SACM1L: variants seen among roughly 807,000 people sequenced by gnomAD.
The protein encoded by SACM1L is phosphatidylinositol-3-phosphatase SAC1.
SACM1L carries 32 observed loss-of-function variants against 89.5 expected under a neutral mutation model. That is an observed-to-expected ratio of 0.36 (90% CI 0.27 to 0.48). SACM1L has a LOEUF of 0.48. SACM1L is among the 20% of genes least tolerant of loss of function. SACM1L has a pLI of 0.99. For missense variants in SACM1L, 543 were observed against 708.5 expected (o/e 0.77, Z 2.65); for synonymous variants, 213 against 232.8 (o/e 0.92, Z 0.77).
At chr3:45,694,722 GT>G (rs1442781179) in intron 1 of SACM1L, among the ~76,000 whole-genome samples, 1 of 152,170 alleles carries the variant, frequency 6.6e-6, no homozygotes, top group Non-Finnish European at 1.5e-5. Flanking sequence ...TATCCTGGTA[GT>G]TTTTATGCAC....
chr3:45,718,633 T>C (rs1195107953), intron 7 of SACM1L, among the ~76,000 whole-genome samples: 1 of 152,192 alleles, frequency 6.6e-6, no homozygotes, highest in Non-Finnish European at 1.5e-5. Flanking sequence ...ACCCATTTAA[T>C]ATCAACTCCC....
rs1043020652 is a variant in SACM1L at position 45,735,156 on chromosome 3, A to C, written c.1101-79A>C. 44 of 1,283,726 alleles carry C rather than the reference A, an allele frequency of 3.4e-5. No individual in the cohort carries two copies. The Middle Eastern group carries it at 5.8e-4, about 17-fold the overall frequency. 79.5% of individuals were successfully genotyped at this position (1,283,726 alleles called of 1,614,324 possible). The stretch of plus-strand genomic sequence containing the variant: ...AGTTTTTAATAATGTCACTGAAATG[A>C]GACCCATGTTATAAGAGTTAAGTCC... On this transcript the variant is annotated intron_variant, in intron 13 of 19. Transcript: ENST00000389061.
At chr3:45,737,365 G>A (rs949078764) in intron 14 of SACM1L, 3 of 572,492 alleles carry the variant, frequency 5.2e-6, no homozygotes, top group Non-Finnish European at 9.1e-6. Flanking sequence ...GGGAGTGCGG[G>A]GGCTGCAAGG....
intron 1 of SACM1L, among the ~76,000 whole-genome samples, chr3:45,696,654 T>G (rs1284187049): frequency 3.3e-5 from 5 of 152,122 alleles, no homozygotes; most frequent in African/African-American, 4.8e-5. Context: ...GGGTTTGTTT[T>G]TTTTTTCCTT....
chr3:45,708,328 C>T (rs1022339591), intron 4 of SACM1L, among the ~76,000 whole-genome samples: 2 of 152,054 alleles, frequency 1.3e-5, no homozygotes, highest in East Asian at 3.8e-4. Context: ...TTTTTAAAGT[C>T]AACATTGTTT....
At chr3:45,710,586 G>A (rs1308749403) in intron 5 of SACM1L, among the ~76,000 whole-genome samples, 1 of 150,570 alleles carries the variant, frequency 6.6e-6, no homozygotes, top group Non-Finnish European at 1.5e-5. Context: ...CTTTTGTTCA[G>A]GAACCTGGAT....
intron 9 of SACM1L, among the ~76,000 whole-genome samples, chr3:45,722,482 AG>A (rs1016976320): frequency 6.6e-6 from 1 of 152,186 alleles, no homozygotes; most frequent in African/African-American, 2.4e-5. Context: ...GCTGCTCCAG[AG>A]CGTTAGTGGC....
chr3:45,710,454 A>G (rs555561705), intron 5 of SACM1L, among the ~76,000 whole-genome samples: 4 of 149,882 alleles, frequency 2.7e-5, no homozygotes, highest in South Asian at 4.2e-4. Context: ...CATCCTCCCA[A>G]AGTGCTGGGA....
At position 45,731,555 on chromosome 3, in the gene SACM1L, A is replaced by G. The variant is rs112563892; in HGVS notation, c.1001+175A>G. On this transcript the variant is annotated intron_variant, in intron 12 of 19. Coordinates refer to ENST00000389061, the MANE Select transcript of SACM1L (RefSeq NM_014016.5). ...TCTCTAGCATAATTTATGTTGCAGA[A>G]TAACTTCTTTTCAGTCAAGTTTTGA... 4.6e-3 allele frequency among the ~76,000 whole-genome samples: 701 copies of G among 152,356 alleles called. 5 individuals carry two copies. The highest frequency in any genetic ancestry group is 0.016 in the African/African-American group (663 of 41,588).
rs954541552 is a variant in SACM1L at position 45,709,780 on chromosome 3, T to C, written c.483+133T>C. Reference sequence around the variant, plus strand: ...AATCATGTATGAGGCTTTGAAAATATACCCTGTTTTAAATATACATCACAA... The same window carrying C: ...AATCATGTATGAGGCTTTGAAAATACACCCTGTTTTAAATATACATCACAA... On this transcript the variant is annotated intron_variant, in intron 5 of 19. Transcript: ENST00000389061. 22 of 753,340 alleles carry C rather than the reference T, an allele frequency of 2.9e-5. No individual in the cohort carries two copies. In the Admixed American group the frequency reaches 5.8e-4, roughly 20 times the overall value. 46.7% of individuals were successfully genotyped at this position (753,340 alleles called of 1,614,324 possible).
intron 7 of SACM1L, among the ~76,000 whole-genome samples, chr3:45,715,279 ATTATT>A (rs750212283): frequency 6.6e-6 from 1 of 152,216 alleles, no homozygotes; most frequent in Non-Finnish European, 1.5e-5. Context: ...ATACAAGTCT[ATTATT>A]TATTTATTCA....
chr3:45,691,584 A>G (rs1294005053), intron 1 of SACM1L, among the ~76,000 whole-genome samples: 1 of 148,160 alleles, frequency 6.7e-6, no homozygotes, highest in Non-Finnish European at 1.5e-5. Flanking sequence ...ATTTATTTAA[A>G]TGTTGAAATG....
Position 45,705,169 on chromosome 3 carries a change from A to G in SACM1L, c.165A>G (p.Arg55=). ...ATGTTCCTCCTTCAGCTGTCACAAG[A>G]CCAATATTTGGTATACTGGGCACAA... ...KKDVPPSAVT[R]PIFGILGTIH... The change falls in exon 3 of 20, where the codon AGA becomes AGG. Residue 55 remains arginine, a synonymous_variant. Coordinates refer to ENST00000389061, the MANE Select transcript of SACM1L (RefSeq NM_014016.5). 6.2e-7 allele frequency: 1 copy of G among 1,611,888 alleles called. No individual in the cohort carries two copies. The highest frequency in any genetic ancestry group is 2.2e-5 in the East Asian group (1 of 44,766).
chr3:45,738,702 T>TA (rs747039417), intron 17 of SACM1L, 31 bp downstream of exon 17: 4 of 1,537,564 alleles, frequency 2.6e-6, no homozygotes, highest in Non-Finnish European at 2.7e-6. Context: ...TTCCTGGCAT[T>TA]ACGTGGTTGT....
At chr3:45,738,542 C>G in intron 16 of SACM1L, 36 bp from the exon 17 acceptor site, 2 of 1,306,510 alleles carry the variant, frequency 1.5e-6, no homozygotes, top group Non-Finnish European at 2.2e-6. Flanking sequence ...ATTCAGTGTA[C>G]AAACCTGTAA....
chr3:45,745,284 G>A lies in SACM1L; in HGVS notation c.*1615G>A, dbSNP rs1200422504. On this transcript the variant is annotated 3_prime_UTR_variant, in exon 20 of 20. Coordinates refer to ENST00000389061, the MANE Select transcript of SACM1L (RefSeq NM_014016.5). ...AACTGCTAATGTGGCTGCTTTGTAG[G>A]GAATGGACTAATATCAGTGTGTTAG... is the stretch of plus-strand genomic sequence containing the variant. 1 of 152,560 alleles carries A rather than the reference G, an allele frequency of 6.6e-6. No homozygotes were observed. The highest frequency in any genetic ancestry group is 1.5e-5 in the Non-Finnish European group (1 of 68,026). 9.5% of individuals were successfully genotyped at this position (152,560 alleles called of 1,614,324 possible). A position where few individuals can be genotyped will look rare whatever the true frequency, so the allele number is the denominator to read the frequency against.
At chr3:45,706,968 G>T in intron 4 of SACM1L, 61 bp downstream of exon 4, 1 of 1,515,148 alleles carries the variant, frequency 6.6e-7, no homozygotes, top group Non-Finnish European at 9.1e-7. Flanking sequence ...GCTGGGGAGA[G>T]GAGGGTGAGG....
At position 45,705,216 on chromosome 3, in the gene SACM1L, G is replaced by T. The variant is rs2125687058; in HGVS notation, c.205+7G>T. 2 of 1,584,484 alleles carry T rather than the reference G, an allele frequency of 1.3e-6. No individual in the cohort carries two copies. Among genetic ancestry groups the T allele is most frequent in the South Asian group, 1.1e-5 (1 of 89,870 alleles). ...ACAATCCATCTGGTGGCAGGTAAGA[G>T]AAAATAAGCTAAGATGGGCAAAGAA... On this transcript the variant is annotated splice_region_variant and intron_variant, in intron 3 of 19. Coordinates refer to ENST00000389061, the MANE Select transcript of SACM1L (RefSeq NM_014016.5).
Position 45,737,579 on chromosome 3 carries a change from C to G in SACM1L, c.1240-4C>G. 6.3e-7 allele frequency: 1 copy of G among 1,591,526 alleles called. No homozygotes were observed. Among genetic ancestry groups the G allele is most frequent in the Non-Finnish European group, 8.5e-7 (1 of 1,174,352 alleles). On this transcript the variant is annotated splice_polypyrimidine_tract_variant and splice_region_variant and intron_variant, in intron 14 of 19. Coordinates refer to ENST00000389061, the MANE Select transcript of SACM1L (RefSeq NM_014016.5). ...ATAAATCTGGGTGTGGTTTTTTATT[C>G]CAGAGACTAGGAGTTTTGCATGTGG...
Sources: gnomAD v4.1 joint callset for allele counts (sites outside exome capture counted in the v4.1 genomes callset) on GRCh38, gnomAD v4.1.1 for gene constraint, MANE v1.5 for transcripts, NCBI Gene and HGNC (gene_info 2026-07-23, HGNC 2026-07-21) for gene names.